The following NTAN1 variants were observed in gnomAD, a reference collection of about 807,000 sequenced individuals.
NTAN1 encodes protein N-terminal asparagine amidohydrolase.
A neutral mutation model predicts 41.9 loss-of-function variants in NTAN1; 32 were observed. The observed-to-expected ratio is 0.76, with a 90% confidence interval of 0.58 to 1.03. The LOEUF (loss-of-function observed/expected upper bound fraction) is 1.03, where lower values mean the gene tolerates loss of function less well. Ranked by LOEUF, NTAN1 falls within the 50% of genes least tolerant of loss-of-function variation. The probability of loss-of-function intolerance (pLI) is 0.00; values close to 1 mark genes in which losing one functional copy is unlikely to be tolerated. For missense variants in NTAN1, 377 were observed against 377.5 expected, an observed-to-expected ratio of 1.00 and a Z score of 0.01; for synonymous variants, 140 against 139.5, an observed-to-expected ratio of 1.00 and a Z score of -0.03.
In NTAN1 at chr16:15,037,869, A is replaced by C; in HGVS notation, c.*162T>G. On this transcript the variant is annotated 3_prime_UTR_variant, in exon 10 of 10. Transcript: ENST00000287706. Reference sequence around the variant, plus strand: ...CTCAACAAATGCCTTTGCCAAAATAAGGTTTTATTTTGAAAGTCATTTGAT... The same window carrying C: ...CTCAACAAATGCCTTTGCCAAAATACGGTTTTATTTTGAAAGTCATTTGAT... 1 of 538,662 alleles carries C rather than the reference A, an allele frequency of 1.9e-6. No individual in the cohort carries two copies. Among genetic ancestry groups the C allele is most frequent in the Non-Finnish European group, 3.3e-6 (1 of 305,832 alleles). The allele number at this position is 538,662 out of a possible 1,614,324, so 33.4% of individuals were successfully genotyped here.
chr16:15,047,047 T>A (rs2044100739), intron 4 of NTAN1, among the ~76,000 whole-genome samples: 2 of 152,144 alleles, frequency 1.3e-5, no homozygotes, highest in Non-Finnish European at 2.9e-5. Context: ...CTGTCTACTC[T>A]TCACTGCTGT....
chr16:15,050,583 T>G (rs972843355), intron 1 of NTAN1, among the ~76,000 whole-genome samples: 4 of 151,960 alleles, frequency 2.6e-5, no homozygotes, highest in African/African-American at 9.7e-5. Flanking sequence ...ATTACAAAAA[T>G]TAGCTGGGTG....
intron 7 of NTAN1, chr16:15,040,384 AG>A: frequency 3.3e-6 from 1 of 305,664 alleles, no homozygotes; most frequent in Middle Eastern, 8.8e-4. Context: ...GTGTACGGCC[AG>A]GGGTGGCTGG....
rs748843881 is a variant in NTAN1 at position 15,044,314 on chromosome 16, G to GA, written c.433+19dup. On this transcript the variant is annotated intron_variant, in intron 5 of 9. Transcript: ENST00000287706. ...ATATTTATGTCCAATTTGGGGGAAA[G>GA]AAAAAAAAAATGAACTTACTAAGAA... The GA allele has an allele frequency of 7.8e-3, 10,661 of 1,375,006 alleles. 2 individuals carry two copies. Among genetic ancestry groups the GA allele is most frequent in the Non-Finnish European group, 9.0e-3 (8,996 of 997,882 alleles). The allele number at this position is 1,375,006 out of a possible 1,614,324, so 85.2% of individuals were successfully genotyped here.
At chr16:15,040,569 G>A (rs573815587) in intron 7 of NTAN1, 6 of 172,320 alleles carry the variant, frequency 3.5e-5, no homozygotes, top group South Asian at 1.7e-4. Context: ...TGCCTTTTCC[G>A]CGGGAGTCCT....
rs949910622 is a variant in NTAN1 at position 15,041,013 on chromosome 16, CT to C, written c.541+54del. The C allele has an allele frequency of 3.2e-6, 4 of 1,237,024 alleles. No individual in the cohort carries two copies. In the Admixed American group the frequency reaches 6.7e-5, roughly 21 times the overall value. 76.6% of individuals were successfully genotyped at this position (1,237,024 alleles called of 1,614,324 possible). On this transcript the variant is annotated intron_variant, in intron 7 of 9. Coordinates refer to ENST00000287706, the MANE Select transcript of NTAN1 (RefSeq NM_173474.4). ...GGGGTCATTGGTTTGCTGAATTAGA[CT>C]TTAACTGCACATGTGACCAAGACTC... is the stretch of plus-strand genomic sequence containing the variant.
intron 7 of NTAN1, chr16:15,040,494 C>G (rs980204111): frequency 5.7e-6 from 1 of 176,470 alleles, no homozygotes. Flanking sequence ...TACCTACCAC[C>G]CAGCTAAATC....
chr16:15,046,073 T>C (rs1597789758), intron 4 of NTAN1: 1 of 151,938 alleles, frequency 6.6e-6, no homozygotes, highest in African/African-American at 2.4e-5. Context: ...CGGAGCAGAG[T>C]GTGTGGCAAC....
intron 1 of NTAN1, among the ~76,000 whole-genome samples, chr16:15,051,153 G>A (rs985074701): frequency 1.3e-5 from 2 of 152,242 alleles, no homozygotes; most frequent in Non-Finnish European, 2.9e-5. Flanking sequence ...AGGGCGCAAA[G>A]GCGAATTTTT....
At position 15,047,765 on chromosome 16, in the gene NTAN1, A is replaced by C. The variant is rs920181990; in HGVS notation, c.250+90T>G. ...AAGGTAAGCGGAGTCCGCTTCCAAC[A>C]AGACACCAGGAAACTCAACACGAGA... On this transcript the variant is annotated intron_variant, in intron 3 of 9. Transcript: ENST00000287706. The C allele has an allele frequency of 7.8e-6, 9 of 1,153,130 alleles. No homozygotes were observed. The African/African-American group carries it at 1.1e-4, about 14-fold the overall frequency. The allele number at this position is 1,153,130 out of a possible 1,614,324, so 71.4% of individuals were successfully genotyped here. A position where few individuals can be genotyped will look rare whatever the true frequency, so the allele number is the denominator to read the frequency against.
In NTAN1 at chr16:15,037,973, C is replaced by T; in HGVS notation, c.*58G>A. ...GTAGGATCCAGATCTGGATTCGTGC[C>T]AGCCCCACCAATGGTCTGTCAGGCC... is the stretch of plus-strand genomic sequence containing the variant. On this transcript the variant is annotated 3_prime_UTR_variant, in exon 10 of 10. Coordinates refer to ENST00000287706, the MANE Select transcript of NTAN1 (RefSeq NM_173474.4). The T allele has an allele frequency of 3.8e-6, 5 of 1,331,766 alleles. No homozygotes were observed. Among genetic ancestry groups the T allele is most frequent in the Non-Finnish European group, 5.3e-6 (5 of 939,962 alleles). The allele number at this position is 1,331,766 out of a possible 1,614,324, so 82.5% of individuals were successfully genotyped here.
At chr16:15,049,854 T>C (rs2044229451) in intron 1 of NTAN1, among the ~76,000 whole-genome samples, 2 of 152,224 alleles carry the variant, frequency 1.3e-5, no homozygotes, top group Non-Finnish European at 1.5e-5. Context: ...AAAAGAGTTT[T>C]GAAATGCTAA....
In NTAN1 at chr16:15,047,841, C is replaced by T; in HGVS notation, c.250+14G>A. On this transcript the variant is annotated intron_variant, in intron 3 of 9. Transcript: ENST00000287706. Reference sequence around the variant, plus strand: ...CAGTTTAAGTAATGGTTTCCTTCACCTCTCTCATCATACCTGTGTGCCTCA... The same window carrying T: ...CAGTTTAAGTAATGGTTTCCTTCACTTCTCTCATCATACCTGTGTGCCTCA... 1.2e-6 allele frequency: 2 copies of T among 1,604,256 alleles called. No homozygotes were observed. The highest frequency in any genetic ancestry group is 8.5e-7 in the Non-Finnish European group (1 of 1,170,998).
chr16:15,043,924 G>A (rs2043938218), intron 5 of NTAN1, among the ~76,000 whole-genome samples: 1 of 151,766 alleles, frequency 6.6e-6, no homozygotes, highest in Non-Finnish European at 1.5e-5. Context: ...CTCCAACTTG[G>A]GCAACAGAGC....
In NTAN1 at chr16:15,047,449, A is replaced by G. The variant is rs1245329928; in HGVS notation, c.352T>C (p.Cys118Arg). 6 of 1,599,068 alleles carry G rather than the reference A, an allele frequency of 3.8e-6. No homozygotes were observed. The African/African-American group carries it at 4.0e-5, about 11-fold the overall frequency. Residue 118 changes from cysteine (C) to arginine (R), a missense_variant, in exon 4 of 10, where the codon TGT becomes CGT. By Grantham distance (180) the Cys-to-Arg change is radical (BLOSUM62 -3). Transcript: ENST00000287706. ...SIKSFSDHAQ[C>R]GRLEVHLVGG... ...GAGCAGCGTAGATCTCACCTTCCAC[A>G]TTGAGCGTGGTCAGAAAAGGATTTT...
At chr16:15,047,671 A>G in intron 3 of NTAN1, 121 bp from the exon 4 acceptor site, 1 of 929,876 alleles carries the variant, frequency 1.1e-6, no homozygotes, top group South Asian at 1.4e-5. Context: ...GGAAAAACGG[A>G]CAGGTCTGTG....
At position 15,041,054 on chromosome 16, in the gene NTAN1, T is replaced by G. The variant is rs1036689392; in HGVS notation, c.541+14A>C. The stretch of plus-strand genomic sequence containing the variant: ...GACCAAGACTCCAACCCACAAAAGA[T>G]GCACACTACTTACCAATGCCATATA... On this transcript the variant is annotated intron_variant, in intron 7 of 9. Transcript: ENST00000287706. 2 of 1,579,464 alleles carry G rather than the reference T, an allele frequency of 1.3e-6. No homozygotes were observed. Among genetic ancestry groups the G allele is most frequent in the Non-Finnish European group, 1.7e-6 (2 of 1,148,414 alleles).
At chr16:15,045,852 A>C (rs2044039059) in intron 4 of NTAN1, 1 of 152,220 alleles carries the variant, frequency 6.6e-6, no homozygotes, top group Admixed American at 6.5e-5. Context: ...TCAGACACAA[A>C]ATCTTCCTAA....
intron 1 of NTAN1, among the ~76,000 whole-genome samples, chr16:15,053,169 T>C (rs2044362472): frequency 6.6e-6 from 1 of 152,266 alleles, no homozygotes; most frequent in Non-Finnish European, 1.5e-5. Context: ...TCGTGGCTAC[T>C]GTACTGAATA....
Sources: gnomAD v4.1 joint callset for allele counts (sites outside exome capture counted in the v4.1 genomes callset) on GRCh38, gnomAD v4.1.1 for gene constraint, MANE v1.5 for transcripts, NCBI Gene and HGNC (gene_info 2026-07-23, HGNC 2026-07-21) for gene names.